The following MYH1 variants were observed in gnomAD, a reference collection of about 807,000 sequenced individuals.
MYH1 encodes myosin-1.
In MYH1, 214 loss-of-function variants were observed where a neutral mutation model predicts 225.6. That is an observed-to-expected ratio of 0.95 (90% CI 0.85 to 1.06). MYH1 has a LOEUF of 1.06. Among genes scored for constraint, MYH1 ranks in the 50% least tolerant of loss-of-function variants. MYH1 has a pLI of 0.00. For synonymous variants in MYH1, 774 were observed against 842.3 expected, an observed-to-expected ratio of 0.92 and a Z score of 1.40; for missense variants, 2,098 against 2,344.2, an observed-to-expected ratio of 0.89 and a Z score of 2.17.
Position 10,508,478 on chromosome 17 carries a change from G to A in MYH1, c.1782C>T (p.Ala594=), listed in dbSNP as rs201961682. The A allele has an allele frequency of 1.2e-4, 195 of 1,614,012 alleles. No individual in the cohort carries two copies. The highest frequency in any genetic ancestry group is 1.4e-4 in the Non-Finnish European group (160 of 1,180,034). The change falls in exon 16 of 40, where the codon GCC becomes GCT. Residue 594 remains alanine, a synonymous_variant. Transcript: ENST00000226207. ...GGTCCTTGTTCTTGTCAAGCCAGCC[G>A]GCAATGTTGTAGTCCACGGTGCCAG... ...HYAGTVDYNI[A]GWLDKNKDPL...
intron 14 of MYH1, among the ~76,000 whole-genome samples, chr17:10,510,723 A>G (rs1349032319): frequency 1.3e-5 from 2 of 152,170 alleles, no homozygotes; most frequent in Non-Finnish European, 2.9e-5. Flanking sequence ...CGATTCCATT[A>G]TAAGACATGT....
chr17:10,517,052 T>C (rs774965899), intron 2 of MYH1, among the ~76,000 whole-genome samples: 1 of 152,228 alleles, frequency 6.6e-6, no homozygotes, highest in Non-Finnish European at 1.5e-5. Flanking sequence ...AGTTTTTATC[T>C]TCCCAACTGG....
rs1567722847 is a variant in MYH1, at chr17:10,513,707, T to A, written c.742-18A>T. 1.9e-6 allele frequency: 3 copies of A among 1,613,426 alleles called. No individual in the cohort carries two copies. The highest frequency in any genetic ancestry group is 3.3e-5 in the Admixed American group (2 of 59,992). On this transcript the variant is annotated intron_variant, in intron 8 of 39. Coordinates refer to ENST00000226207, the MANE Select transcript of MYH1 (RefSeq NM_005963.4). ...AATTTACCCTTGTAAGTAAAAAAAATGATGTTATACCCAAAGCTTGAAGTA... is the reference window on the plus strand; with the variant it reads ...AATTTACCCTTGTAAGTAAAAAAAAAGATGTTATACCCAAAGCTTGAAGTA...
At chr17:10,510,241 A>C (rs961985438) in intron 14 of MYH1, among the ~76,000 whole-genome samples, 1 of 152,146 alleles carries the variant, frequency 6.6e-6, no homozygotes, top group Non-Finnish European at 1.5e-5. Context: ...AAACTAGCTA[A>C]ATTTGCTAGA....
chr17:10,495,264 G>T lies in MYH1; in HGVS notation c.5223C>A (p.Ile1741=). 1 of 1,614,098 alleles carries T rather than the reference G, an allele frequency of 6.2e-7. No homozygotes were observed. Among genetic ancestry groups the T allele is most frequent in the Non-Finnish European group, 8.5e-7 (1 of 1,180,028 alleles). ...GGATGATGTCTTCCATCTCTCCCTG[G>T]ATTTGGGAAATGTCTGTCTCCAGCT... ...KKKLETDISQ[I]QGEMEDIIQE... The change falls in exon 36 of 40, where the codon ATC becomes ATA. Residue 1741 remains isoleucine, a synonymous_variant. Transcript: ENST00000226207.
At position 10,509,483 on chromosome 17, in the gene MYH1, A is replaced by G. The variant is rs750251156; in HGVS notation, c.1587+2T>C. On this transcript the variant is annotated splice_donor_variant, in intron 15 of 39. Coordinates refer to ENST00000226207, the MANE Select transcript of MYH1 (RefSeq NM_005963.4). LOFTEE classifies it high-confidence loss of function. ...TCTGTGGTCTGCAAAAAGCAAGCCAACCTTCTCGATGAGCTCGATGCAGGC... is the reference window on the plus strand; with the variant it reads ...TCTGTGGTCTGCAAAAAGCAAGCCAGCCTTCTCGATGAGCTCGATGCAGGC... 3 of 1,614,122 alleles carry G rather than the reference A, an allele frequency of 1.9e-6. No individual in the cohort carries two copies. Among genetic ancestry groups the G allele is most frequent in the Admixed American group, 1.7e-5 (1 of 60,012 alleles).
chr17:10,504,325 A>C (rs1050462648), intron 22 of MYH1, among the ~76,000 whole-genome samples: 2 of 152,242 alleles, frequency 1.3e-5, no homozygotes, highest in African/African-American at 4.8e-5. Context: ...AAGCATTGCC[A>C]TTATTCTTGC....
In MYH1 at chr17:10,494,673, C is replaced by A. The variant is rs1392042407; in HGVS notation, c.5467G>T (p.Val1823Phe). Residue 1823 changes from valine to phenylalanine, a missense_variant and splice_region_variant, in exon 38 of 40, where the codon GTT becomes TTT. Physicochemically the swap from Val to Phe is conservative, Grantham distance 50 (BLOSUM62 -1). Transcript: ENST00000226207. Reference protein sequence around the residue: ...KKQIQKLEARVRELEGEVESE... With the variant: ...KKQIQKLEARFRELEGEVESE... Reference sequence around the variant, plus strand: ...TCAACTTCACCTTCAAGTTCACGAACCTACAAGAAGATGGACATTTTAAGG... The same window carrying A: ...TCAACTTCACCTTCAAGTTCACGAAACTACAAGAAGATGGACATTTTAAGG... The A allele has an allele frequency of 1.2e-6, 2 of 1,613,650 alleles. No homozygotes were observed. The highest frequency in any genetic ancestry group is 2.2e-5 in the East Asian group (1 of 44,876).
chr17:10,500,519 C>A, intron 28 of MYH1, 107 bp downstream of exon 28: 2 of 1,522,806 alleles, frequency 1.3e-6, no homozygotes, highest in Non-Finnish European at 8.9e-7. Flanking sequence ...TGGGGATCTC[C>A]CAGGGAGGTA....
chr17:10,504,675 G>A, intron 22 of MYH1, 135 bp downstream of exon 22: 1 of 1,049,278 alleles, frequency 9.5e-7, no homozygotes, highest in East Asian at 2.6e-5. Context: ...GAATTCTATA[G>A]AACATTCTAA....
chr17:10,494,793 CTTA>C, intron 37 of MYH1, 120 bp from the exon 38 acceptor site: 1 of 1,583,560 alleles, frequency 6.3e-7, no homozygotes, highest in Non-Finnish European at 8.6e-7. Flanking sequence ...TTCAGTTTTC[CTTA>C]TTATGAGCTT....
intron 33 of MYH1, 132 bp from the exon 34 acceptor site, chr17:10,496,681 G>A (rs1284351560): frequency 2.1e-6 from 3 of 1,407,830 alleles, no homozygotes; most frequent in African/African-American, 1.4e-5. Context: ...TTAAACAAGA[G>A]TGTCATTTTC....
chr17:10,494,982 C>G lies in MYH1; in HGVS notation c.5415G>C (p.Glu1805Asp). The G allele has an allele frequency of 6.2e-7, 1 of 1,614,214 alleles. No individual in the cohort carries two copies. The highest frequency in any genetic ancestry group is 8.5e-7 in the Non-Finnish European group (1 of 1,180,036). The change falls in exon 37 of 40, where the codon GAG (glutamate) becomes GAC (aspartate). Residue 1805 changes from glutamate to aspartate, a missense_variant. Coordinates refer to ENST00000226207, the MANE Select transcript of MYH1 (RefSeq NM_005963.4). ...TCTTCCCACCCTTCAGGGCCAGCTG[C>G]TCAGCCTCATCCAGACGATGCTGCA... ...KDLQHRLDEA[E>D]QLALKGGKKQ... is the part of the protein sequence containing the mutation.
chr17:10,496,534 C>A lies in MYH1; in HGVS notation c.4672G>T (p.Glu1558Ter). 6.2e-7 allele frequency: 1 copy of A among 1,614,128 alleles called. No individual in the cohort carries two copies. Residue 1558 changes from glutamate to a stop codon, truncating the protein, a stop_gained, in exon 34 of 40, where the codon GAA becomes TAA. Transcript: ENST00000226207. LOFTEE classifies it high-confidence loss of function. ...TGGATGCGCAGGATCTTTCCCTCTT[C>A]ATGTTCAAGAGATGCCTTAATGACA... The part of the protein sequence containing the change: ...LEEAEASLEH[E>*]EGKILRIQLE...
In MYH1 at chr17:10,496,265, A is replaced by C; in HGVS notation, c.4941T>G (p.Tyr1647Ter). 3 of 1,614,044 alleles carry C rather than the reference A, an allele frequency of 1.9e-6. No homozygotes were observed. Among genetic ancestry groups the C allele is most frequent in the Non-Finnish European group, 2.5e-6 (3 of 1,180,020 alleles). ...CCTTGAGGATGGCTTGGGTGTTCCT[A>C]TAGTTCCTCAGGGCCTCAGCAGCCA... The part of the protein sequence containing the change: ...NRMAAEALRN[Y>*]RNTQAILKDT... The change falls in exon 34 of 40, where the codon TAT becomes TAG. Residue 1647 changes from tyrosine (Y) to a stop codon, truncating the protein, a stop_gained. Coordinates refer to ENST00000226207, the MANE Select transcript of MYH1 (RefSeq NM_005963.4). LOFTEE classifies it high-confidence loss of function.
rs144994537 is a variant in MYH1 at position 10,500,933 on chromosome 17, C to G, written c.3738+177G>C. On this transcript the variant is annotated intron_variant, in intron 27 of 39. Transcript: ENST00000226207. ...GGAAAGACTAATAAGATACATAGTC[C>G]AAGCATACAGCCACTGAATTACTTG... Among the ~76,000 whole-genome samples, 126 of 152,166 alleles carry G rather than the reference C, an allele frequency of 8.3e-4. 1 individual carries two copies. In the East Asian group the frequency reaches 0.012, roughly 15 times the overall value.
intron 28 of MYH1, among the ~76,000 whole-genome samples, chr17:10,500,149 C>T (rs1201543329): frequency 6.6e-6 from 1 of 152,188 alleles, no homozygotes; most frequent in Non-Finnish European, 1.5e-5. Flanking sequence ...TGCTTCATCA[C>T]TACCATAATC....
chr17:10,495,291 C>T lies in MYH1; in HGVS notation c.5196G>A (p.Lys1732=), dbSNP rs1228135018. Residue 1732 remains lysine (K), a synonymous_variant, in exon 36 of 40, where the codon AAG becomes AAA. Transcript: ENST00000226207. The stretch of plus-strand genomic sequence containing the variant: ...TTTGGGAAATGTCTGTCTCCAGCTT[C>T]TTCTTGGTGTTGATCAGGCTGGTGT... The part of the protein sequence containing the change: ...TQNTSLINTK[K]KLETDISQIQ... 2 of 1,614,148 alleles carry T rather than the reference C, an allele frequency of 1.2e-6. No individual in the cohort carries two copies. The highest frequency in any genetic ancestry group is 1.1e-5 in the South Asian group (1 of 91,084).
At chr17:10,495,888 A>C (rs745571283) in intron 35 of MYH1, 62 bp downstream of exon 35, 49 of 1,599,706 alleles carry the variant, frequency 3.1e-5, no homozygotes, top group Non-Finnish European at 4.1e-5. Flanking sequence ...TAGTACCACG[A>C]TTTCAGCAAG....
Sources: gnomAD v4.1 joint callset for allele counts (sites outside exome capture counted in the v4.1 genomes callset) on GRCh38, gnomAD v4.1.1 for gene constraint, MANE v1.5 for transcripts, NCBI Gene and HGNC (gene_info 2026-07-23, HGNC 2026-07-21) for gene names.